Variants in GABRB1 observed in about 807,000 individuals in gnomAD.
GABRB1 encodes the protein gamma-aminobutyric acid type A receptor subunit beta1.
In GABRB1, 17 loss-of-function variants were observed where a neutral mutation model predicts 51.6. That is an observed-to-expected ratio of 0.33 (90% CI 0.23 to 0.49). GABRB1 has a LOEUF of 0.49. Ranked by LOEUF, GABRB1 falls within the 20% of genes least tolerant of loss-of-function variation. The probability of loss-of-function intolerance (pLI) is 0.99; values close to 1 mark genes in which losing one functional copy is unlikely to be tolerated. For missense variants in GABRB1, 410 were observed against 600.6 expected, an observed-to-expected ratio of 0.68 and a Z score of 3.32; for synonymous variants, 247 against 218.9, an observed-to-expected ratio of 1.13 and a Z score of -1.14.
chr4:47,175,900 T>A (rs562631789), intron 4 of GABRB1, among the ~76,000 whole-genome samples: 1 of 152,256 alleles, frequency 6.6e-6, no homozygotes, highest in South Asian at 2.1e-4. Flanking sequence ...ATATTCAAGG[T>A]GGTAGCAAAT....
At chr4:47,390,338 A>G (rs1303241401) in intron 5 of GABRB1, among the ~76,000 whole-genome samples, 1 of 152,250 alleles carries the variant, frequency 6.6e-6, no homozygotes, top group Non-Finnish European at 1.5e-5. Context: ...CTGCCCACCC[A>G]TGGATTAGAA....
At chr4:47,032,900 T>C (rs1265891268) in intron 3 of GABRB1, 2 of 366,974 alleles carry the variant, frequency 5.4e-6, no homozygotes, top group Non-Finnish European at 1.1e-5. Context: ...GCAATCCCCA[T>C]GGCCCTCGCA....
chr4:47,315,590 T>G (rs1560330130), intron 4 of GABRB1, among the ~76,000 whole-genome samples: 1 of 151,908 alleles, frequency 6.6e-6, no homozygotes, highest in East Asian at 1.9e-4. Flanking sequence ...CATATGTTCA[T>G]CTTAGTATTA....
chr4:47,425,477 T>TGATGATA (rs1347722785), intron 8 of GABRB1, among the ~76,000 whole-genome samples, 197 bp from the exon 9 acceptor site: 2 of 94,114 alleles, frequency 2.1e-5, no homozygotes, highest in African/African-American at 7.9e-5. Flanking sequence ...GGATGGATGA[T>TGATGATA]GATGATAGAT....
At chr4:47,065,398 T>C (rs1727033567) in intron 3 of GABRB1, among the ~76,000 whole-genome samples, 1 of 152,258 alleles carries the variant, frequency 6.6e-6, no homozygotes, top group African/African-American at 2.4e-5. Context: ...GTTGAGGCTG[T>C]GCAATTTCTC....
At chr4:47,286,973 A>G (rs751753238) in intron 4 of GABRB1, among the ~76,000 whole-genome samples, 1 of 151,992 alleles carries the variant, frequency 6.6e-6, no homozygotes, top group Non-Finnish European at 1.5e-5. Flanking sequence ...TACAAGTAAA[A>G]CTCATGGCTG....
At chr4:47,031,771 TC>T (rs113036607) in intron 1 of GABRB1, 40 bp downstream of exon 1, 1 of 1,568,174 alleles carries the variant, frequency 6.4e-7, no homozygotes, top group Non-Finnish European at 8.8e-7. Context: ...TCTCTCTCTC[TC>T]TCTTTTTTTC....
At chr4:47,061,730 C>G (rs1326978012) in intron 3 of GABRB1, among the ~76,000 whole-genome samples, 1 of 152,126 alleles carries the variant, frequency 6.6e-6, no homozygotes. Flanking sequence ...AGTAATTCCT[C>G]TGTGGGGGGT....
rs1171124428 is a variant in GABRB1, at chr4:47,195,436, ATAGATAGATGATAGATAGAT to A, written c.461+33973_461+33992del. 9.0e-3 allele frequency among the ~76,000 whole-genome samples: 1,087 copies of A among 120,376 alleles called. 13 individuals are homozygous for A. Among genetic ancestry groups the A allele is most frequent in the East Asian group, 0.015 (55 of 3,764 alleles). 79.0% of individuals were successfully genotyped at this position (120,376 alleles called of 152,430 possible). ...GATAGATAGATAGATAGATAGATAGATAGATAGATGATAGATAGATTAGATGATAGATAGATAGATAGATA... is the reference window on the plus strand; with the variant it reads ...GATAGATAGATAGATAGATAGATAGATAGATGATAGATAGATAGATAGATA... On this transcript the variant is annotated intron_variant, in intron 4 of 8. Transcript: ENST00000295454.
chr4:47,422,836 C>T (rs997013375), intron 8 of GABRB1, among the ~76,000 whole-genome samples: 2 of 152,180 alleles, frequency 1.3e-5, no homozygotes, highest in Admixed American at 6.5e-5. Flanking sequence ...CCCATTTCGC[C>T]GATGACAATA....
chr4:47,115,454 A>T (rs1193600415), intron 3 of GABRB1, among the ~76,000 whole-genome samples: 1 of 152,040 alleles, frequency 6.6e-6, no homozygotes, highest in Admixed American at 6.6e-5. Context: ...TATAAGTAAT[A>T]ATATCTTGAG....
At chr4:47,417,331 G>A (rs1560377299) in intron 8 of GABRB1, among the ~76,000 whole-genome samples, 2 of 151,420 alleles carry the variant, frequency 1.3e-5, no homozygotes, top group Non-Finnish European at 2.9e-5. Context: ...TTAGATTTAT[G>A]TACATTTGCA....
At chr4:47,173,772 C>T (rs940889158) in intron 4 of GABRB1, among the ~76,000 whole-genome samples, 6 of 152,114 alleles carry the variant, frequency 3.9e-5, no homozygotes, top group African/African-American at 1.4e-4. Flanking sequence ...TCCTACATAT[C>T]GTTAGCTGAT....
chr4:47,126,242 C>T (rs1577931789), intron 3 of GABRB1, among the ~76,000 whole-genome samples: 1 of 151,982 alleles, frequency 6.6e-6, no homozygotes, highest in East Asian at 1.9e-4. Context: ...AAAAGGTGAA[C>T]TCAATAATAG....
intron 4 of GABRB1, among the ~76,000 whole-genome samples, chr4:47,178,407 G>T (rs1376556932): frequency 6.6e-6 from 1 of 152,056 alleles, no homozygotes; most frequent in Non-Finnish European, 1.5e-5. Context: ...ATCCGCTCCT[G>T]TCCTTTAGAA....
At chr4:47,124,791 T>C (rs1371837035) in intron 3 of GABRB1, among the ~76,000 whole-genome samples, 1 of 151,906 alleles carries the variant, frequency 6.6e-6, no homozygotes, top group African/African-American at 2.4e-5. Flanking sequence ...AGACAGGTCA[T>C]GTGAAATCAT....
At chr4:47,403,878 A>G (rs752132878) in intron 7 of GABRB1, among the ~76,000 whole-genome samples, 167 bp downstream of exon 7, 6 of 152,210 alleles carry the variant, frequency 3.9e-5, no homozygotes, top group Non-Finnish European at 8.8e-5. Flanking sequence ...CACAACGAAT[A>G]TTCTACAATG....
chr4:47,188,347 CG>C (rs1719276289), intron 4 of GABRB1, among the ~76,000 whole-genome samples: 2 of 151,926 alleles, frequency 1.3e-5, no homozygotes, highest in Admixed American at 1.3e-4. Flanking sequence ...TCACTTTGGA[CG>C]TTTTTTAATG....
chr4:47,426,105 C>T lies in GABRB1; in HGVS notation c.*87C>T, dbSNP rs997999417. Reference sequence around the variant, plus strand: ...GTCCCCAACAGCGATACTGCTGTTTCTCGAGGTAAGAGATTCAGCCATCCA... The same window carrying T: ...GTCCCCAACAGCGATACTGCTGTTTTTCGAGGTAAGAGATTCAGCCATCCA... On this transcript the variant is annotated 3_prime_UTR_variant, in exon 9 of 9. Coordinates refer to ENST00000295454, the MANE Select transcript of GABRB1 (RefSeq NM_000812.4). 9.2e-7 allele frequency: 1 copy of T among 1,091,514 alleles called. No individual in the cohort carries two copies. The highest frequency in any genetic ancestry group is 1.6e-5 in the South Asian group (1 of 62,246). 67.6% of individuals were successfully genotyped at this position (1,091,514 alleles called of 1,614,324 possible).
Sources: gnomAD v4.1 joint callset for allele counts (sites outside exome capture counted in the v4.1 genomes callset) on GRCh38, gnomAD v4.1.1 for gene constraint, MANE v1.5 for transcripts, NCBI Gene and HGNC (gene_info 2026-07-23, HGNC 2026-07-21) for gene names.